The following ARB2A variants were observed in gnomAD, a reference collection of about 807,000 sequenced individuals.
ARB2A encodes the protein cotranscriptional regulator ARB2A.
chr5:94,054,949 G>C, the ARB2A span, among the ~76,000 whole-genome samples: 1 of 152,062 alleles, frequency 6.6e-6, no homozygotes, highest in Non-Finnish European at 1.5e-5. Context: ...CCTTTGACAT[G>C]CTCTTACCTT....
At chr5:94,066,725 T>A in the ARB2A span, among the ~76,000 whole-genome samples, 1 of 152,100 alleles carries the variant, frequency 6.6e-6, no homozygotes, top group Non-Finnish European at 1.5e-5. Context: ...TTCAGGACCA[T>A]ATGGCTTTAC....
At chr5:93,941,699 A>G in the ARB2A span, among the ~76,000 whole-genome samples, 7 of 152,314 alleles carry the variant, frequency 4.6e-5, no homozygotes, top group South Asian at 2.1e-4. Context: ...TGTAAAAATA[A>G]TATCTAATTG....
chr5:93,707,643 C>T, the ARB2A span, among the ~76,000 whole-genome samples: 3 of 141,444 alleles, frequency 2.1e-5, no homozygotes, highest in East Asian at 4.2e-4. Context: ...GGTGAGATTT[C>T]GACTCACTGC....
the ARB2A span, among the ~76,000 whole-genome samples, chr5:94,017,426 T>C: frequency 1.3e-5 from 2 of 152,174 alleles, no homozygotes; most frequent in Non-Finnish European, 2.9e-5. Flanking sequence ...GGTGATGGAA[T>C]TAAGATAAAA....
At chr5:93,853,289 A>G in the ARB2A span, among the ~76,000 whole-genome samples, 1 of 152,090 alleles carries the variant, frequency 6.6e-6, no homozygotes, top group Non-Finnish European at 1.5e-5. Flanking sequence ...AATGTTTGTG[A>G]TTTTTGTACA....
At chr5:93,644,700 A>G in the ARB2A span, among the ~76,000 whole-genome samples, 1 of 152,118 alleles carries the variant, frequency 6.6e-6, no homozygotes, top group Non-Finnish European at 1.5e-5. Context: ...GACAGAGAAA[A>G]CCTGTTGTAT....
the ARB2A span, among the ~76,000 whole-genome samples, chr5:93,622,203 G>T: frequency 3.3e-5 from 5 of 152,246 alleles, no homozygotes; most frequent in South Asian, 1.0e-3. Flanking sequence ...AATAATTACA[G>T]ACTTCCACAG....
chr5:94,010,778 TG>T, the ARB2A span, among the ~76,000 whole-genome samples: 1 of 152,100 alleles, frequency 6.6e-6, no homozygotes, highest in African/African-American at 2.4e-5. Flanking sequence ...ATTATTTTAA[TG>T]GTAGGTTTTT....
At chr5:93,691,814 T>C in the ARB2A span, among the ~76,000 whole-genome samples, 2 of 151,868 alleles carry the variant, frequency 1.3e-5, no homozygotes, top group South Asian at 4.2e-4. Context: ...CCCATCAGAG[T>C]AACAGTGAAT....
At chr5:94,043,969 T>G in the ARB2A span, among the ~76,000 whole-genome samples, 98 of 152,372 alleles carry the variant, frequency 6.4e-4, 1 homozygote, top group Middle Eastern at 3.4e-3. Flanking sequence ...AGAGAGAAAT[T>G]ATGTTTCAAG....
At chr5:93,702,204 G>A in the ARB2A span, among the ~76,000 whole-genome samples, 266 of 152,232 alleles carry the variant, frequency 1.7e-3, 1 homozygote, top group African/African-American at 5.4e-3. Context: ...TATCTGATCC[G>A]AAGATATGTC....
At chr5:94,099,624 CAAAAAAAAAAAAAAA>C in the ARB2A span, among the ~76,000 whole-genome samples, 2 of 13,648 alleles carry the variant, frequency 1.5e-4, no homozygotes, top group Non-Finnish European at 3.7e-4. Flanking sequence ...GACTCCGTCT[CAAAAAAAAAAAAAAA>C]AAAAAAAAAA....
chr5:94,021,533 C>A, the ARB2A span, among the ~76,000 whole-genome samples: 2 of 152,196 alleles, frequency 1.3e-5, no homozygotes, highest in African/African-American at 2.4e-5. Context: ...GTTATCCGTG[C>A]AGTAACAGAA....
chr5:93,997,190 C>T, the ARB2A span, among the ~76,000 whole-genome samples: 2 of 152,122 alleles, frequency 1.3e-5, no homozygotes, highest in Non-Finnish European at 2.9e-5. Context: ...ATATTTCCAT[C>T]AAATCACCAT....
chr5:93,934,595 T>C, the ARB2A span, among the ~76,000 whole-genome samples: 408 of 152,302 alleles, frequency 2.7e-3, 1 homozygote, highest in African/African-American at 9.3e-3. Context: ...TGGCCAATGA[T>C]GTATGAAGGG....
chr5:93,854,330 A>C, the ARB2A span, among the ~76,000 whole-genome samples: 1 of 151,968 alleles, frequency 6.6e-6, no homozygotes, highest in Non-Finnish European at 1.5e-5. Context: ...TATTGCACCT[A>C]TTTGAGTCTT....
At chr5:93,902,693 G>A in the ARB2A span, among the ~76,000 whole-genome samples, 1 of 152,076 alleles carries the variant, frequency 6.6e-6, no homozygotes, top group African/African-American at 2.4e-5. Flanking sequence ...GTCATTTCGT[G>A]AAAAGATAAT....
At chr5:93,762,776 A>C in the ARB2A span, among the ~76,000 whole-genome samples, 3 of 152,240 alleles carry the variant, frequency 2.0e-5, no homozygotes, top group African/African-American at 7.2e-5. Context: ...GAAATGAAGG[A>C]AAAAATGTTA....
At chr5:94,080,712 C>T in the ARB2A span, among the ~76,000 whole-genome samples, 3 of 152,258 alleles carry the variant, frequency 2.0e-5, no homozygotes, top group East Asian at 5.8e-4. Flanking sequence ...TGCAGGACAA[C>T]CCCGATAGGC....
Sources: gnomAD v4.1 joint callset for allele counts (sites outside exome capture counted in the v4.1 genomes callset) on GRCh38, gnomAD v4.1.1 for gene constraint, MANE v1.5 for transcripts, NCBI Gene and HGNC (gene_info 2026-07-23, HGNC 2026-07-21) for gene names.